CCDC171: variants seen among roughly 807,000 people sequenced by gnomAD.
CCDC171 encodes coiled-coil domain containing 171.
Under a neutral mutation model 168.2 loss-of-function variants are expected in CCDC171, and 177 were observed. The ratio of observed to expected loss-of-function variants is 1.05; its 90% CI spans 0.93 to 1.19. The LOEUF (loss-of-function observed/expected upper bound fraction) is 1.19, where lower values mean the gene tolerates loss of function less well. Ranked by LOEUF, CCDC171 falls within the 50% of genes most tolerant of loss-of-function variation. The pLI is 0.00. For missense variants in CCDC171, 1,991 were observed against 1,539.0 expected, an observed-to-expected ratio of 1.29 and a Z score of -4.91; for synonymous variants, 687 against 540.8, an observed-to-expected ratio of 1.27 and a Z score of -3.75.
At chr9:16,030,240 C>T (rs1199625619) in intron 6 of CCDC171, among the ~76,000 whole-genome samples, 2 of 152,088 alleles carry the variant, frequency 1.3e-5, no homozygotes, top group African/African-American at 4.8e-5. Flanking sequence ...ATTTCAGTTA[C>T]TCTTTATATA....
At chr9:15,943,704 T>C (rs1827975834) in intron 25 of CCDC171, among the ~76,000 whole-genome samples, 1 of 152,010 alleles carries the variant, frequency 6.6e-6, no homozygotes, top group Non-Finnish European at 1.5e-5. Context: ...GAGCTCTTTC[T>C]CTTCCCATCT....
At chr9:15,672,920 C>T (rs907222602) in intron 9 of CCDC171, among the ~76,000 whole-genome samples, 1 of 152,162 alleles carries the variant, frequency 6.6e-6, no homozygotes, top group African/African-American at 2.4e-5. Flanking sequence ...ATGGGGATGG[C>T]ATTGAATCTA....
At chr9:15,898,785 A>G (rs192716292) in intron 24 of CCDC171, among the ~76,000 whole-genome samples, 3 of 152,244 alleles carry the variant, frequency 2.0e-5, no homozygotes, top group East Asian at 1.9e-4. Context: ...AGCTTTCCCC[A>G]TTGTTATATC....
chr9:15,734,854 A>G (rs1564309398), intron 16 of CCDC171, among the ~76,000 whole-genome samples: 2 of 152,202 alleles, frequency 1.3e-5, no homozygotes, highest in African/African-American at 4.8e-5. Context: ...CAGTTGTTAT[A>G]TAGGATTGTG....
chr9:16,079,853 T>A, the CCDC171 span, among the ~76,000 whole-genome samples: 1 of 152,240 alleles, frequency 6.6e-6, no homozygotes. Flanking sequence ...GGCACTTATA[T>A]TAACTCCTTT....
intron 7 of CCDC171, among the ~76,000 whole-genome samples, chr9:15,649,912 G>A (rs538032882): frequency 5.3e-4 from 81 of 152,292 alleles, no homozygotes; most frequent in African/African-American, 1.8e-3. Flanking sequence ...TACACCCAAA[G>A]GATTATAAAT....
chr9:15,729,959 G>C (rs1039680034), intron 16 of CCDC171, among the ~76,000 whole-genome samples, 161 bp downstream of exon 16: 1 of 151,766 alleles, frequency 6.6e-6, no homozygotes, highest in South Asian at 2.1e-4. Flanking sequence ...ACACACATAC[G>C]TGTGTGTGTA....
intron 16 of CCDC171, among the ~76,000 whole-genome samples, chr9:15,734,303 A>T (rs1006075171): frequency 1.2e-4 from 19 of 152,208 alleles, no homozygotes; most frequent in Admixed American, 8.5e-4. Flanking sequence ...TGGGAGGCCG[A>T]GGCAAGTGGA....
chr9:15,916,866 A>G (rs1379234155), intron 24 of CCDC171, among the ~76,000 whole-genome samples: 1 of 151,944 alleles, frequency 6.6e-6, no homozygotes, highest in Non-Finnish European at 1.5e-5. Context: ...TTCTTCATAT[A>G]CTAACCGAGT....
chr9:15,910,053 A>G (rs1004404585), intron 24 of CCDC171, among the ~76,000 whole-genome samples: 8 of 152,052 alleles, frequency 5.3e-5, no homozygotes, highest in African/African-American at 1.9e-4. Flanking sequence ...AACATGCAGT[A>G]TTTGACTTTC....
intron 25 of CCDC171, among the ~76,000 whole-genome samples, chr9:15,929,064 A>T (rs1404349411): frequency 6.7e-6 from 1 of 149,710 alleles, no homozygotes; most frequent in African/African-American, 2.5e-5. Flanking sequence ...AATATAAAAC[A>T]TATTAGATAT....
intron 25 of CCDC171, among the ~76,000 whole-genome samples, chr9:15,932,920 C>T (rs1229179453): frequency 6.6e-6 from 1 of 151,914 alleles, no homozygotes; most frequent in Non-Finnish European, 1.5e-5. Flanking sequence ...ATTAAACCAT[C>T]CTTGCATCCC....
intron 21 of CCDC171, among the ~76,000 whole-genome samples, chr9:15,788,010 C>G (rs1440827031): frequency 6.6e-6 from 1 of 152,132 alleles, no homozygotes; most frequent in East Asian, 1.9e-4. Context: ...GGTATAATAT[C>G]TTTACGCAGA....
chr9:15,941,760 C>G (rs1187005198), intron 25 of CCDC171, among the ~76,000 whole-genome samples: 1 of 151,848 alleles, frequency 6.6e-6, no homozygotes, highest in Non-Finnish European at 1.5e-5. Flanking sequence ...AAACAACATA[C>G]TCAATATTAT....
chr9:15,817,817 G>A (rs2059617187), intron 21 of CCDC171, among the ~76,000 whole-genome samples: 1 of 118,282 alleles, frequency 8.5e-6, no homozygotes, highest in Non-Finnish European at 1.9e-5. Context: ...AGACTTAAAT[G>A]TCCCTGTCTG....
At chr9:15,877,167 A>G (rs1817953461) in intron 24 of CCDC171, among the ~76,000 whole-genome samples, 1 of 126,798 alleles carries the variant, frequency 7.9e-6, no homozygotes, top group Non-Finnish European at 1.7e-5. Context: ...TTCCCCTCCA[A>G]CTTTCTTAGC....
chr9:16,063,850 A>G (rs967170090), downstream of CCDC171, among the ~76,000 whole-genome samples: 5 of 152,232 alleles, frequency 3.3e-5, no homozygotes, highest in Admixed American at 6.5e-5. Context: ...ACCCGAGGTC[A>G]CACAGCTAAA....
chr9:15,923,620 G>A lies in CCDC171; in HGVS notation c.3753+3198G>A, dbSNP rs529125330. 3.3e-5 allele frequency among the ~76,000 whole-genome samples: 5 copies of A among 151,358 alleles called. No homozygotes were observed. The East Asian group carries it at 7.8e-4, about 24-fold the overall frequency. ...CTATAGTTAATAAAGACGTATTCTT[G>A]AAAAGTGCAAAGAGTGGATTTTAAG... On this transcript the variant is annotated intron_variant, in intron 25 of 25. Transcript: ENST00000380701.
At chr9:15,904,821 A>C (rs1328737795) in intron 24 of CCDC171, among the ~76,000 whole-genome samples, 2 of 151,874 alleles carry the variant, frequency 1.3e-5, no homozygotes, top group Non-Finnish European at 2.9e-5. Flanking sequence ...AAAAGGATGG[A>C]GGAAGATCTA....
Sources: allele counts gnomAD v4.1 joint callset (sites outside exome capture counted in the v4.1 genomes callset), GRCh38; gene constraint gnomAD v4.1.1; transcripts MANE v1.5; gene names NCBI Gene and HGNC (gene_info 2026-07-23, HGNC 2026-07-21).